Variants in FRMPD3 observed in about 807,000 individuals in gnomAD.
FRMPD3 encodes FERM and PDZ domain containing 3, also known as FERM and PDZ domain-containing protein 3.
FRMPD3 carries 42 observed loss-of-function variants against 97.9 expected under a neutral mutation model. The observed-to-expected ratio is 0.43, with a 90% CI of 0.34 to 0.55. The LOEUF is 0.55. FRMPD3 is among the 20% of genes least tolerant of loss of function. FRMPD3 has a pLI of 0.03. For missense variants in FRMPD3, 1,303 were observed against 1,457.7 expected (o/e 0.89, Z 1.73); for synonymous variants, 577 against 581.1 (o/e 0.99, Z 0.10).
chrX:107,583,141 G>C (rs891066153), intron 13 of FRMPD3, among the ~76,000 whole-genome samples: 1 of 105,505 alleles, frequency 9.5e-6, no homozygotes, highest in Non-Finnish European at 1.9e-5. Flanking sequence ...TTAAGTTCCG[G>C]GATACATGTG....
Position 107,489,352 on chromosome X carries a change from G to A in FRMPD3, c.-7-37230G>A, listed in dbSNP as rs1486253588. ...TTATAATCCTCTTGGTATATACCCA[G>A]TAATGGGATGGCTGGGTCAAATGGT... On this transcript the variant is annotated intron_variant, in intron 1 of 14. Transcript: ENST00000683843. Among the ~76,000 whole-genome samples, 5 of 111,636 alleles carry A rather than the reference G, an allele frequency of 4.5e-5. No individual in the cohort carries two copies. The East Asian group carries it at 1.1e-3, about 25-fold the overall frequency.
intron 11 of FRMPD3, among the ~76,000 whole-genome samples, chrX:107,563,865 G>A (rs1922487616): frequency 8.9e-6 from 1 of 111,770 alleles, no homozygotes; most frequent in Non-Finnish European, 1.9e-5. Flanking sequence ...TTTGCTGCAG[G>A]AACAAGGCTC....
chrX:107,573,489 T>C (rs1248896020), intron 12 of FRMPD3, among the ~76,000 whole-genome samples: 1 of 111,846 alleles, frequency 8.9e-6, no homozygotes, highest in Admixed American at 9.5e-5. Flanking sequence ...TGTATGCAAG[T>C]TTGGCCATTC....
In FRMPD3 at chrX:107,526,605, C is replaced by T; in HGVS notation, c.17C>T (p.Ala6Val). The change falls in exon 2 of 15, where the codon GCA becomes GTA. Residue 6 changes from alanine (A) to valine (V), a missense_variant. Transcript: ENST00000683843. ...AGTCATGTGATGCAGGAAGAGAGCG[C>T]AAATGATATGGAATGTGAGCAGCTG... MQEES[A>V]NDMECEQLPA... 8.3e-7 allele frequency: 1 copy of T among 1,203,080 alleles called. No homozygotes were observed. Among genetic ancestry groups the T allele is most frequent in the Non-Finnish European group, 1.1e-6 (1 of 892,718 alleles).
chrX:107,583,653 G>A (rs2147626144), intron 13 of FRMPD3, among the ~76,000 whole-genome samples: 1 of 111,428 alleles, frequency 9.0e-6, no homozygotes, highest in African/African-American at 3.3e-5. Flanking sequence ...AGATCCTTGA[G>A]GAATCATCGT....
At chrX:107,496,160 G>T (rs894640919) in intron 1 of FRMPD3, among the ~76,000 whole-genome samples, 2 of 112,191 alleles carry the variant, frequency 1.8e-5, no homozygotes, top group Non-Finnish European at 3.8e-5. Flanking sequence ...TCTCATCATC[G>T]TCATCATTAT....
At chrX:107,478,262 A>G (rs1333068448) in intron 1 of FRMPD3, among the ~76,000 whole-genome samples, 6 of 111,979 alleles carry the variant, frequency 5.4e-5, no homozygotes, top group African/African-American at 1.3e-4. Context: ...CTCTCAGAAA[A>G]CCAGTATTGC....
chrX:107,509,395 T>C lies in FRMPD3; in HGVS notation c.-7-17187T>C, dbSNP rs185354975. Among the ~76,000 whole-genome samples the C allele has an allele frequency of 2.5e-3, 280 of 110,905 alleles. 2 individuals carry two copies. The highest frequency in any genetic ancestry group is 9.0e-3 in the African/African-American group (273 of 30,471). ...TGTAGCTTTGGGGTGGTGCGTTAGA[T>C]ATGTGGCTGGCAAGTCCAGTGCTGG... On this transcript the variant is annotated intron_variant, in intron 1 of 14. Coordinates refer to ENST00000683843, the MANE Select transcript of FRMPD3 (RefSeq NM_001388459.1).
rs1924665230 is a variant in FRMPD3, at chrX:107,603,536, C to CT, written c.*165dup. ...GAAACTCTCTTGATTGAGGCTCTCT[C>CT]TTAAGGGCTGCAGGCTTAGCTGCCG... On this transcript the variant is annotated 3_prime_UTR_variant, in exon 15 of 15. Coordinates refer to ENST00000683843, the MANE Select transcript of FRMPD3 (RefSeq NM_001388459.1). 9.7e-7 allele frequency: 1 copy of CT among 1,025,671 alleles called. No individual in the cohort carries two copies. Among genetic ancestry groups the CT allele is most frequent in the African/African-American group, 1.9e-5 (1 of 52,041 alleles). 84.5% of individuals were successfully genotyped at this position (1,025,671 alleles called of 1,213,427 possible).
intron 13 of FRMPD3, among the ~76,000 whole-genome samples, chrX:107,588,744 G>A (rs143928196): frequency 0.025 from 2,846 of 111,863 alleles, 45 homozygotes; most frequent in Admixed American, 0.055. Flanking sequence ...TTTTTACAGA[G>A]TCCCATATTT....
intron 8 of FRMPD3, chrX:107,555,006 A>G (rs1362130451): frequency 8.5e-6 from 1 of 118,237 alleles, no homozygotes; most frequent in East Asian, 2.5e-4. Context: ...GCAGGGTGCA[A>G]TGAAGATGAG....
chrX:107,516,727 T>A (rs1287374596), intron 1 of FRMPD3, among the ~76,000 whole-genome samples: 1 of 110,783 alleles, frequency 9.0e-6, no homozygotes, highest in Admixed American at 9.6e-5. Context: ...GGGGTTGTTT[T>A]TTTTTTTCTT....
chrX:107,568,517 C>T (rs1249414727), intron 12 of FRMPD3, among the ~76,000 whole-genome samples: 1 of 99,904 alleles, frequency 1.0e-5, no homozygotes, highest in African/African-American at 3.7e-5. Flanking sequence ...CGAAACCAGC[C>T]TGGCCAACAT....
intron 4 of FRMPD3, among the ~76,000 whole-genome samples, chrX:107,537,453 T>C (rs1921040510): frequency 1.8e-5 from 2 of 111,780 alleles, no homozygotes; most frequent in Admixed American, 9.6e-5. Context: ...CCTTGGAGCA[T>C]AGAAGTGGAC....
At chrX:107,502,446 A>T (rs1323276791) in intron 1 of FRMPD3, among the ~76,000 whole-genome samples, 1 of 111,081 alleles carries the variant, frequency 9.0e-6, no homozygotes, top group African/African-American at 3.3e-5. Context: ...CTGCAACTTC[A>T]ACATATTTGG....
chrX:107,469,706 C>T (rs1214646089), intron 1 of FRMPD3, among the ~76,000 whole-genome samples: 2 of 112,452 alleles, frequency 1.8e-5, no homozygotes, highest in Non-Finnish European at 3.8e-5. Context: ...CTCTGTGCCT[C>T]AGTTTATTCT....
At chrX:107,568,594 C>T (rs1922715540) in intron 12 of FRMPD3, among the ~76,000 whole-genome samples, 1 of 104,120 alleles carries the variant, frequency 9.6e-6, no homozygotes, top group Non-Finnish European at 2.0e-5. Context: ...ATCAGCTGGG[C>T]GTGGTGGCAC....
intron 1 of FRMPD3, among the ~76,000 whole-genome samples, chrX:107,473,748 G>A (rs188403742): frequency 4.8e-4 from 54 of 112,517 alleles, no homozygotes; most frequent in Non-Finnish European, 8.6e-4. Flanking sequence ...CAAGAAATAG[G>A]GATGCAGGTG....
At chrX:107,530,362 C>A in intron 2 of FRMPD3, 47 bp from the exon 3 acceptor site, 4 of 1,060,047 alleles carry the variant, frequency 3.8e-6, no homozygotes, top group Non-Finnish European at 3.9e-6. Context: ...CCTGGACTTT[C>A]CCAGCAGTAA....
Sources: allele counts gnomAD v4.1 joint callset (sites outside exome capture counted in the v4.1 genomes callset), GRCh38; gene constraint gnomAD v4.1.1; transcripts MANE v1.5; gene names NCBI Gene and HGNC (gene_info 2026-07-23, HGNC 2026-07-21).